ANXA8: variants seen among roughly 807,000 people sequenced by gnomAD.
ANXA8 encodes annexin A8.
In ANXA8, 9 loss-of-function variants were observed where a neutral mutation model predicts 26.8. The observed-to-expected ratio is 0.34, with a 90% CI of 0.20 to 0.59. ANXA8 has a LOEUF of 0.59. ANXA8 is among the 20% of genes least tolerant of loss of function. The pLI is 0.84. For synonymous variants in ANXA8, 39 were observed against 94.8 expected, an observed-to-expected ratio of 0.41 and a Z score of 3.42; for missense variants, 83 against 238.5, an observed-to-expected ratio of 0.35 and a Z score of 4.29.
chr10:47,680,461 C>A, the ANXA8 span, among the ~76,000 whole-genome samples: 1 of 151,690 alleles, frequency 6.6e-6, no homozygotes, highest in East Asian at 1.9e-4. Context: ...ATGGTGAAAC[C>A]CCATCTCTAC....
the ANXA8 span, among the ~76,000 whole-genome samples, chr10:47,945,119 G>A: frequency 4.7e-5 from 7 of 150,448 alleles, no homozygotes; most frequent in African/African-American, 1.7e-4. Flanking sequence ...CTCAGGCCCT[G>A]AGTTCGACCC....
the ANXA8 span, chr10:47,753,251 C>T: frequency 1.3e-5 from 8 of 633,318 alleles, no homozygotes; most frequent in Non-Finnish European, 1.5e-5. Context: ...CTACCTGTTA[C>T]AGTAACTGTG....
the ANXA8 span, among the ~76,000 whole-genome samples, chr10:47,561,388 GA>G: frequency 2.6e-5 from 4 of 151,606 alleles, no homozygotes; most frequent in Non-Finnish European, 4.4e-5. Flanking sequence ...TTACAAGCGT[GA>G]ACTACCATGT....
the ANXA8 span, among the ~76,000 whole-genome samples, chr10:47,745,607 T>C: frequency 8.9e-6 from 1 of 112,910 alleles, no homozygotes; most frequent in African/African-American, 2.9e-5. Context: ...TCATGGAATG[T>C]CAGTTTGGCA....
At chr10:47,646,678 C>G in the ANXA8 span, among the ~76,000 whole-genome samples, 16 of 151,616 alleles carry the variant, frequency 1.1e-4, no homozygotes, top group Non-Finnish European at 1.3e-4. Flanking sequence ...TAATGATTTT[C>G]ATCTGTAACC....
At chr10:47,707,484 T>C in the ANXA8 span, among the ~76,000 whole-genome samples, 1 of 142,972 alleles carries the variant, frequency 7.0e-6, no homozygotes. Context: ...TCTCCCAGGC[T>C]CAAGAGATTC....
the ANXA8 span, among the ~76,000 whole-genome samples, chr10:47,646,761 T>G: frequency 6.6e-6 from 1 of 152,002 alleles, no homozygotes; most frequent in African/African-American, 2.4e-5. Flanking sequence ...TAGCCCCACA[T>G]ACTTGAAAGT....
chr10:47,750,362 AT>A, the ANXA8 span, among the ~76,000 whole-genome samples: 93 of 134,804 alleles, frequency 6.9e-4, no homozygotes, highest in African/African-American at 2.3e-3. Context: ...TACTTATTTT[AT>A]TTTTTTGTTT....
chr10:47,769,737 T>C, the ANXA8 span, among the ~76,000 whole-genome samples: 3 of 152,310 alleles, frequency 2.0e-5, no homozygotes, highest in Non-Finnish European at 4.4e-5. Flanking sequence ...GGTTACCTTC[T>C]GTGGTCAATT....
the ANXA8 span, among the ~76,000 whole-genome samples, chr10:47,644,890 T>C: frequency 2.5e-4 from 38 of 151,382 alleles, no homozygotes; most frequent in Admixed American, 2.5e-3. Context: ...TAGTAATATG[T>C]AAGTATATCA....
chr10:47,956,719 G>A, the ANXA8 span, among the ~76,000 whole-genome samples: 2 of 150,488 alleles, frequency 1.3e-5, no homozygotes, highest in Non-Finnish European at 2.9e-5. Flanking sequence ...GTAGGGTAGG[G>A]CTTCAATGAG....
the ANXA8 span, chr10:47,581,669 C>T: frequency 7.8e-3 from 2,755 of 351,356 alleles, 120 homozygotes; most frequent in African/African-American, 0.057. Flanking sequence ...TGCAGTGGCA[C>T]GATCTCAGCT....
At chr10:47,651,708 A>G in the ANXA8 span, among the ~76,000 whole-genome samples, 1 of 151,206 alleles carries the variant, frequency 6.6e-6, no homozygotes, top group Non-Finnish European at 1.5e-5. Flanking sequence ...CAGCCTGACC[A>G]ACATGGAGAA....
the ANXA8 span, among the ~76,000 whole-genome samples, chr10:47,649,911 G>C: frequency 6.7e-6 from 1 of 148,914 alleles, no homozygotes; most frequent in Non-Finnish European, 1.5e-5. Context: ...TGTATTTTTT[G>C]TATTATAGGA....
At chr10:47,580,475 G>A in the ANXA8 span, among the ~76,000 whole-genome samples, 1 of 151,158 alleles carries the variant, frequency 6.6e-6, no homozygotes, top group Admixed American at 6.6e-5. Context: ...TTGGCTCACA[G>A]CTGTAATCCC....
the ANXA8 span, among the ~76,000 whole-genome samples, chr10:47,506,702 C>T: frequency 7.0e-5 from 10 of 141,982 alleles, 1 homozygote; most frequent in South Asian, 2.3e-4. Context: ...TGCAATGGCA[C>T]GATCTCAGCT....
the ANXA8 span, among the ~76,000 whole-genome samples, chr10:47,768,692 G>A: frequency 6.6e-6 from 1 of 151,670 alleles, no homozygotes; most frequent in Non-Finnish European, 1.5e-5. Flanking sequence ...CCAGCCCAGA[G>A]AGTGGGGGAT....
chr10:47,898,976 A>T, the ANXA8 span, among the ~76,000 whole-genome samples: 332 of 149,358 alleles, frequency 2.2e-3, 1 homozygote, highest in African/African-American at 7.7e-3. Flanking sequence ...TGGGATTACA[A>T]GTGTGAACCA....
the ANXA8 span, among the ~76,000 whole-genome samples, chr10:47,657,406 G>A: frequency 1.3e-5 from 2 of 151,780 alleles, no homozygotes; most frequent in Non-Finnish European, 1.5e-5. Flanking sequence ...AGTTTTGCAG[G>A]TAGAGAAAAT....
Sources: allele counts gnomAD v4.1 joint callset (sites outside exome capture counted in the v4.1 genomes callset), GRCh38; gene constraint gnomAD v4.1.1; transcripts MANE v1.5; gene names NCBI Gene and HGNC (gene_info 2026-07-23, HGNC 2026-07-21).